The following GNAS variants were observed in gnomAD, a reference collection of about 807,000 sequenced individuals.
GNAS encodes GNAS complex locus, also known as protein ALEX.
Under a neutral mutation model 54.5 loss-of-function variants are expected in GNAS, and 8 were observed. The observed-to-expected ratio is 0.15, with a 90% confidence interval of 0.09 to 0.26. The LOEUF (loss-of-function observed/expected upper bound fraction) is 0.26, where lower values mean the gene tolerates loss of function less well. GNAS is among the 10% of genes least tolerant of loss of function. GNAS has a pLI of 1.00. For synonymous variants in GNAS, 204 were observed against 191.4 expected (o/e 1.07, Z -0.54); for missense variants, 170 against 529.8 (o/e 0.32, Z 6.67).
At chr20:58,886,113 T>A (rs1330085260) in intron 1 of GNAS, among the ~76,000 whole-genome samples, 1 of 152,190 alleles carries the variant, frequency 6.6e-6, no homozygotes, top group African/African-American at 2.4e-5. Context: ...AAGGCATTCT[T>A]ACTCAGAAAG....
chr20:58,874,871 C>T (rs1417137071), intron 1 of GNAS, among the ~76,000 whole-genome samples: 2 of 152,186 alleles, frequency 1.3e-5, no homozygotes, highest in Non-Finnish European at 2.9e-5. Context: ...AATTTCCAGC[C>T]ATTGTGGAAT....
chr20:58,871,718 A>T (rs2145716134), intron 1 of GNAS, among the ~76,000 whole-genome samples: 1 of 145,098 alleles, frequency 6.9e-6, no homozygotes, highest in South Asian at 2.5e-4. Context: ...GGAAGAAGGA[A>T]GGGAGGGAGG....
chr20:58,910,969 C>T lies in GNAS; in HGVS notation c.*140C>T, dbSNP rs774561791. On this transcript the variant is annotated 3_prime_UTR_variant, in exon 13 of 13. Coordinates refer to ENST00000371085, the MANE Select transcript of GNAS (RefSeq NM_000516.7). The surrounding 1 kb of genome is among the most constrained non-coding windows in gnomAD (Gnocchi z 5.8). ...CCTTCCCCCGAGTGATTTTGCGAAACCCCCTTTTCCCTTCAGCTTGCTTAG... is the reference window on the plus strand; with the variant it reads ...CCTTCCCCCGAGTGATTTTGCGAAATCCCCTTTTCCCTTCAGCTTGCTTAG... 4.9e-6 allele frequency: 4 copies of T among 824,308 alleles called. No homozygotes were observed. The African/African-American group carries it at 5.0e-5, about 10-fold the overall frequency. 51.1% of individuals were successfully genotyped at this position (824,308 alleles called of 1,614,324 possible).
chr20:58,909,124 C>G lies in GNAS; in HGVS notation c.531-38C>G. On this transcript the variant is annotated intron_variant, in intron 6 of 12. Transcript: ENST00000371085. The surrounding 1 kb of genome is among the most constrained non-coding windows in gnomAD (Gnocchi z 7.3). ...CAAATAGTTGGCAAATTGATGTGAGCGCTGTGAACACCCCACGTGTCTTTC... is the reference window on the plus strand; with the variant it reads ...CAAATAGTTGGCAAATTGATGTGAGGGCTGTGAACACCCCACGTGTCTTTC... The G allele has an allele frequency of 6.4e-7, 1 of 1,574,754 alleles. No individual in the cohort carries two copies. Among genetic ancestry groups the G allele is most frequent in the Non-Finnish European group, 8.7e-7 (1 of 1,144,226 alleles).
At chr20:58,899,604 CATTATCAA>C (rs2090403720) in intron 3 of GNAS, 1 of 582,756 alleles carries the variant, frequency 1.7e-6, no homozygotes, top group Admixed American at 2.4e-5. Context: ...TTTTTCCATT[CATTATCAA>C]ATTATTTTTT....
At chr20:58,900,628 T>G (rs939403935) in intron 3 of GNAS, among the ~76,000 whole-genome samples, 13 of 152,198 alleles carry the variant, frequency 8.5e-5, no homozygotes, top group African/African-American at 3.1e-4. Context: ...ACTTCCAGCC[T>G]TAGTCCCAAT....
At chr20:58,891,323 TC>T, upstream of GNAS, 1 of 123,748 alleles carries the variant, frequency 8.1e-6, no homozygotes, top group Non-Finnish European at 1.7e-5. Flanking sequence ...CGCCTCCTCC[TC>T]CCCCCGCCTC....
chr20:58,847,472 A>C (rs2085982239), intron 1 of GNAS, among the ~76,000 whole-genome samples: 1 of 152,232 alleles, frequency 6.6e-6, no homozygotes, highest in Non-Finnish European at 1.5e-5. Flanking sequence ...GTACAGCTTC[A>C]AAGTCTATTA....
rs1255845565 is a variant in GNAS at position 58,873,509 on chromosome 20, A to G, written c.44-22103A>G. ...GTCCTTGGTACACAGGGACTAGCAC[A>G]TGTACCCATTTTTTCTCACTGATAA... is the stretch of plus-strand genomic sequence containing the variant. On this transcript the variant is annotated intron_variant, in intron 1 of 12. Coordinates refer to the GNAS transcript ENST00000306090. The surrounding 1 kb of genome is among the most constrained non-coding windows in gnomAD (Gnocchi z 4.3). Among the ~76,000 whole-genome samples, 3 of 152,162 alleles carry G rather than the reference A, an allele frequency of 2.0e-5. No individual in the cohort carries two copies. The highest frequency in any genetic ancestry group is 7.2e-5 in the African/African-American group (3 of 41,422).
chr20:58,840,487 C>G, upstream of GNAS: 1 of 1,613,522 alleles, frequency 6.2e-7, no homozygotes. The surrounding 1 kb of genome is among the most constrained non-coding windows in gnomAD (Gnocchi z 6.0). Context: ...ACTTCGAGAC[C>G]GAGCCTGAGA....
chr20:58,875,168 G>GA (rs2087723267), intron 1 of GNAS, among the ~76,000 whole-genome samples: 1 of 152,136 alleles, frequency 6.6e-6, no homozygotes, highest in African/African-American at 2.4e-5. Context: ...GAGATTTATA[G>GA]AATTATTAAG....
upstream of GNAS, chr20:58,891,164 C>A (rs1323183497): frequency 6.7e-6 from 1 of 149,294 alleles, no homozygotes; most frequent in Non-Finnish European, 1.5e-5. Flanking sequence ...GTCCCGTCCC[C>A]GGCCGGGCGC....
intron 1 of GNAS, chr20:58,844,083 G>C (rs993508631): frequency 6.6e-6 from 1 of 152,176 alleles, no homozygotes; most frequent in African/African-American, 2.4e-5. Flanking sequence ...TGGTAAGAAT[G>C]AGGTTTTTTG....
chr20:58,893,234 T>A (rs1258221479), intron 1 of GNAS, among the ~76,000 whole-genome samples: 2 of 148,718 alleles, frequency 1.3e-5, no homozygotes, highest in Admixed American at 6.6e-5. Context: ...TGATTGCGAT[T>A]TTTCCTCTGA....
chr20:58,909,862 T>C lies in GNAS; in HGVS notation c.839+58T>C. ...GCCCAGGAGGCCCTGGTCTGCACTG[T>C]TTATAGAGAAGAACCCCGTGCAAGC... On this transcript the variant is annotated intron_variant, in intron 10 of 12. Transcript: ENST00000371085. The surrounding 1 kb of genome is among the most constrained non-coding windows in gnomAD (Gnocchi z 7.3). 6.2e-7 allele frequency: 1 copy of C among 1,612,586 alleles called. No individual in the cohort carries two copies. The highest frequency in any genetic ancestry group is 8.5e-7 in the Non-Finnish European group (1 of 1,179,506).
At chr20:58,840,786 G>C, upstream of GNAS, 1 of 1,611,578 alleles carries the variant, frequency 6.2e-7, no homozygotes, top group Non-Finnish European at 8.5e-7. The surrounding 1 kb of genome is among the most constrained non-coding windows in gnomAD (Gnocchi z 6.0). Context: ...CCCACCCGCC[G>C]TGACGCGTCC....
intron 6 of GNAS, 112 bp downstream of exon 6, chr20:58,905,592 G>C (rs965777958): frequency 7.7e-5 from 57 of 740,134 alleles, no homozygotes; most frequent in African/African-American, 2.4e-4. Context: ...TTTCTTAGAA[G>C]CCAACCAGTT....
chr20:58,854,828 G>T lies in GNAS; in HGVS notation c.43+13942G>T, dbSNP rs1347648666. 1.3e-6 allele frequency: 2 copies of T among 1,593,918 alleles called. No homozygotes were observed. The highest frequency in any genetic ancestry group is 1.7e-6 in the Non-Finnish European group (2 of 1,176,090). Reference sequence around the variant, plus strand: ...CGGCCTCTGCAGCCCCTGCCTCCGGGGCCAGACGCAAGATCCATCTCAGAC... The same window carrying T: ...CGGCCTCTGCAGCCCCTGCCTCCGGTGCCAGACGCAAGATCCATCTCAGAC... On this transcript the variant is annotated intron_variant, in intron 1 of 12. Coordinates refer to the GNAS transcript ENST00000306090.
chr20:58,900,226 C>G, intron 3 of GNAS: 1 of 531,074 alleles, frequency 1.9e-6, no homozygotes. Flanking sequence ...TCTGCTGTAC[C>G]AAAAGTTGGC....
Sources: allele counts gnomAD v4.1 joint callset (sites outside exome capture counted in the v4.1 genomes callset), GRCh38; gene constraint gnomAD v4.1.1; non-coding constraint Gnocchi (gnomAD v3.1); transcripts MANE v1.5; gene names NCBI Gene and HGNC (gene_info 2026-07-23, HGNC 2026-07-21).